LMX1B: variants seen among roughly 807,000 people sequenced by gnomAD.
LMX1B encodes LIM homeobox transcription factor 1 beta, also known as LIM homeobox transcription factor 1-beta.
LMX1B carries 12 observed loss-of-function variants against 51.4 expected under a neutral mutation model. The observed-to-expected ratio is 0.23, with a 90% CI of 0.15 to 0.38. The LOEUF (loss-of-function observed/expected upper bound fraction) is 0.38. LMX1B is among the 10% of genes least tolerant of loss of function. The pLI is 1.00. For synonymous variants in LMX1B, 237 were observed against 235.4 expected (o/e 1.01, Z -0.06); for missense variants, 445 against 571.1 (o/e 0.78, Z 2.25).
intron 2 of LMX1B, among the ~76,000 whole-genome samples, chr9:126,685,826 C>T (rs925559760): frequency 6.6e-6 from 1 of 152,154 alleles, no homozygotes; most frequent in Non-Finnish European, 1.5e-5. Flanking sequence ...AAGGCAGCCT[C>T]TGTCATCATC....
At chr9:126,687,039 G>C (rs1480298575) in intron 2 of LMX1B, among the ~76,000 whole-genome samples, 2 of 152,128 alleles carry the variant, frequency 1.3e-5, no homozygotes, top group Non-Finnish European at 2.9e-5. Context: ...CGTCAGGGAG[G>C]CTGCCCCCAG....
intron 2 of LMX1B, among the ~76,000 whole-genome samples, chr9:126,684,473 G>C (rs1011227133): frequency 1.2e-4 from 18 of 152,148 alleles, no homozygotes; most frequent in Non-Finnish European, 2.5e-4. Flanking sequence ...TACCAGGGAG[G>C]GACAGGTCAA....
At chr9:126,692,558 A>G (rs1650311730) in intron 3 of LMX1B, among the ~76,000 whole-genome samples, 1 of 152,196 alleles carries the variant, frequency 6.6e-6, no homozygotes, top group African/African-American at 2.4e-5. Flanking sequence ...CATGTGTGTG[A>G]ATACGCCTGT....
At position 126,614,500 on chromosome 9, in the gene LMX1B, G is replaced by A. The variant is rs1245206525; in HGVS notation, c.51G>A (p.Gly17=). ...CGCTGGAGAGGTGCTTCCCTCGCGG[G>A]CAGACGGACTGCGCCAAGATGTTGG... ...PESLERCFPR[G]QTDCAKMLDG... Residue 17 remains glycine, a synonymous_variant, in exon 1 of 8, where the codon GGG becomes GGA. Transcript: ENST00000373474. 1 of 1,605,806 alleles carries A rather than the reference G, an allele frequency of 6.2e-7. No individual in the cohort carries two copies. The highest frequency in any genetic ancestry group is 1.3e-5 in the African/African-American group (1 of 74,822).
At chr9:126,686,285 A>AAAG (rs1329006187) in intron 2 of LMX1B, among the ~76,000 whole-genome samples, 1 of 151,780 alleles carries the variant, frequency 6.6e-6, no homozygotes, top group Non-Finnish European at 1.5e-5. Context: ...ATCTCAAAAA[A>AAAG]AAAAAAAAAA....
intron 2 of LMX1B, among the ~76,000 whole-genome samples, chr9:126,660,590 T>G (rs1018438015): frequency 6.6e-6 from 1 of 152,198 alleles, no homozygotes; most frequent in African/African-American, 2.4e-5. Context: ...CCACCTCCAC[T>G]GGTCACTGTG....
Position 126,674,045 on chromosome 9 carries a change from A to G in LMX1B, c.327-16791A>G, listed in dbSNP as rs953955493. On this transcript the variant is annotated intron_variant, in intron 2 of 7. Coordinates refer to ENST00000373474, the MANE Select transcript of LMX1B (RefSeq NM_001174147.2). ...CTGCTATGTGCTTCCTGCCTCATCC[A>G]TGGGGTAGAAGGTAGCCAGAAGGTG... Among the ~76,000 whole-genome samples, 9 of 152,162 alleles carry G rather than the reference A, an allele frequency of 5.9e-5. No individual in the cohort carries two copies. In the South Asian group the frequency reaches 1.7e-3, roughly 28 times the overall value.
intron 2 of LMX1B, among the ~76,000 whole-genome samples, chr9:126,672,665 C>T (rs182062182): frequency 2.6e-5 from 4 of 152,140 alleles, no homozygotes; most frequent in African/African-American, 4.8e-5. Flanking sequence ...GCCTCCCTCT[C>T]GCCCCATTCA....
chr9:126,632,927 C>T (rs1309411395), intron 2 of LMX1B, among the ~76,000 whole-genome samples: 3 of 152,218 alleles, frequency 2.0e-5, no homozygotes, highest in Non-Finnish European at 1.5e-5. Context: ...GAACAAGTGG[C>T]TCTGCCCCTG....
chr9:126,686,141 G>A (rs374565233), intron 2 of LMX1B, among the ~76,000 whole-genome samples: 2 of 151,976 alleles, frequency 1.3e-5, no homozygotes, highest in Non-Finnish European at 2.9e-5. Flanking sequence ...TTAGCCGGGC[G>A]TGGTGGCGGG....
chr9:126,666,914 C>G (rs1195104479), intron 2 of LMX1B, among the ~76,000 whole-genome samples: 2 of 152,216 alleles, frequency 1.3e-5, no homozygotes, highest in African/African-American at 2.4e-5. Flanking sequence ...CCTGGGAGAA[C>G]AGTCATTTCC....
At chr9:126,620,209 G>C (rs1835380923) in intron 2 of LMX1B, among the ~76,000 whole-genome samples, 1 of 152,228 alleles carries the variant, frequency 6.6e-6, no homozygotes, top group East Asian at 1.9e-4. Flanking sequence ...AGCACCCTGG[G>C]GAAGCCATTG....
In LMX1B at chr9:126,695,686, A is replaced by C. The variant is rs1199327143; in HGVS notation, c.887-153A>C. On this transcript the variant is annotated intron_variant, in intron 6 of 7. Transcript: ENST00000373474. This position sits in a 1 kb window ranked among gnomAD's most constrained non-coding sequence, Gnocchi z 5.2. ...GCCTGGAGGAGGAGCTGGAGTGTGC[A>C]CCTGGGGAAGGGGCTGGGGAGTCAG... Among the ~76,000 whole-genome samples the C allele has an allele frequency of 6.6e-6, 1 of 151,946 alleles. No individual in the cohort carries two copies. The highest frequency in any genetic ancestry group is 6.6e-5 in the Admixed American group (1 of 15,260).
chr9:126,683,930 C>G (rs914785422), intron 2 of LMX1B, among the ~76,000 whole-genome samples: 1 of 152,154 alleles, frequency 6.6e-6, no homozygotes, highest in African/African-American at 2.4e-5. Context: ...CCCAGATAGA[C>G]TCTTGGTGCT....
intron 2 of LMX1B, among the ~76,000 whole-genome samples, chr9:126,668,112 CGGAG>C (rs1452266807): frequency 2.0e-5 from 3 of 152,050 alleles, no homozygotes; most frequent in Admixed American, 2.0e-4. Flanking sequence ...GGTTAGGAAA[CGGAG>C]GGCAGAAGAA....
intron 2 of LMX1B, among the ~76,000 whole-genome samples, chr9:126,679,568 A>T (rs10987406): frequency 0.072 from 10,949 of 151,926 alleles, 1,311 homozygotes; most frequent in African/African-American, 0.25. Flanking sequence ...GTATGGGTGG[A>T]TGGATGCATG....
intron 2 of LMX1B, among the ~76,000 whole-genome samples, chr9:126,649,559 A>G (rs1036046716): frequency 6.6e-6 from 1 of 152,210 alleles, no homozygotes; most frequent in Non-Finnish European, 1.5e-5. Flanking sequence ...GAATTTGCAT[A>G]TCTAACAAGA....
intron 2 of LMX1B, among the ~76,000 whole-genome samples, chr9:126,657,700 T>C (rs1041428472): frequency 6.6e-6 from 1 of 152,232 alleles, no homozygotes; most frequent in African/African-American, 2.4e-5. Flanking sequence ...CATCCATTCA[T>C]TCATTCAGGC....
intron 2 of LMX1B, among the ~76,000 whole-genome samples, chr9:126,657,632 G>A (rs564754072): frequency 6.6e-5 from 10 of 152,242 alleles, no homozygotes; most frequent in Non-Finnish European, 1.0e-4. Context: ...ACAGGGGCAC[G>A]CATGCCCTGG....
Sources: gnomAD v4.1 joint callset for allele counts (sites outside exome capture counted in the v4.1 genomes callset) on GRCh38, gnomAD v4.1.1 for gene constraint, Gnocchi (gnomAD v3.1) non-coding constraint, MANE v1.5 for transcripts, NCBI Gene and HGNC (gene_info 2026-07-23, HGNC 2026-07-21) for gene names.